The following PIGT variants were observed in gnomAD, a reference collection of about 807,000 sequenced individuals.
PIGT encodes the protein GPI-anchor transamidase component PIGT.
Under a neutral mutation model 66.7 loss-of-function variants are expected in PIGT, and 57 were observed. The ratio of observed to expected loss-of-function variants is 0.86; its 90% confidence interval spans 0.69 to 1.07. PIGT has a LOEUF of 1.07. Among genes scored for constraint, PIGT ranks in the 50% least tolerant of loss-of-function variants. PIGT has a pLI of 0.00. For missense variants in PIGT, 725 were observed against 740.4 expected (o/e 0.98, Z 0.24); for synonymous variants, 362 against 320.5 (o/e 1.13, Z -1.38).
rs1358974279 is a variant in PIGT, at chr20:45,426,089, C to T, written c.*263C>T. 1.8e-5 allele frequency: 10 copies of T among 547,676 alleles called. No individual in the cohort carries two copies. In the African/African-American group the frequency reaches 1.9e-4, roughly 10 times the overall value. The allele number at this position is 547,676 out of a possible 1,614,324, so 33.9% of individuals were successfully genotyped here. ...CTCAATAAGCAAAAGTGGTCGGTGG[C>T]TGCTGTATTGGACAGCACAGAAAAA... is the stretch of plus-strand genomic sequence containing the variant. On this transcript the variant is annotated 3_prime_UTR_variant, in exon 12 of 12. Transcript: ENST00000279036.
intron 2 of PIGT, chr20:45,416,899 A>G: frequency 2.1e-6 from 1 of 485,850 alleles, no homozygotes; most frequent in South Asian, 3.7e-5. Context: ...TAGCACATGC[A>G]TATCCCTGGA....
chr20:45,416,598 C>T lies in PIGT; in HGVS notation c.269C>T (p.Thr90Ile). Residue 90 changes from threonine (T) to isoleucine (I), a missense_variant, in exon 2 of 12, where the codon ACA (threonine) becomes ATA (isoleucine). By Grantham distance (89) the Thr-to-Ile change is moderately conservative (BLOSUM62 -1). This residue lies in a region of PIGT where 559 missense variants were observed against 552.7 expected (regional missense o/e 1.01). Coordinates refer to ENST00000279036, the MANE Select transcript of PIGT (RefSeq NM_015937.6). Reference protein sequence around the residue: ...YSLRELHLSFTQGFWRTRYWG... With the variant: ...YSLRELHLSFIQGFWRTRYWG... The stretch of plus-strand genomic sequence containing the variant: ...CTACGGGAGCTGCACCTGTCATTCA[C>T]ACAAGGCTTTTGGAGGACCCGATAC... 1 of 1,614,220 alleles carries T rather than the reference C, an allele frequency of 6.2e-7. No homozygotes were observed. The highest frequency in any genetic ancestry group is 8.5e-7 in the Non-Finnish European group (1 of 1,180,028).
In PIGT at chr20:45,425,563, C is replaced by T. The variant is rs759172124; in HGVS notation, c.1485-11C>T. The T allele has an allele frequency of 1.9e-6, 3 of 1,612,148 alleles. No individual in the cohort carries two copies. Among genetic ancestry groups the T allele is most frequent in the East Asian group, 4.5e-5 (2 of 44,862 alleles). ...GCCAGTCCTGTCTCACCGCTCTTCC[C>T]CTGACCCCAGGTTCCCAGTCTCTGA... On this transcript the variant is annotated splice_polypyrimidine_tract_variant and intron_variant, in intron 11 of 11. Coordinates refer to ENST00000279036, the MANE Select transcript of PIGT (RefSeq NM_015937.6).
At position 45,425,981 on chromosome 20, in the gene PIGT, C is replaced by T. The variant is rs1403406697; in HGVS notation, c.*155C>T. 3 of 769,280 alleles carry T rather than the reference C, an allele frequency of 3.9e-6. No individual in the cohort carries two copies. The highest frequency in any genetic ancestry group is 6.1e-6 in the Non-Finnish European group (3 of 491,270). The allele number at this position is 769,280 out of a possible 1,614,324, so 47.7% of individuals were successfully genotyped here. On this transcript the variant is annotated 3_prime_UTR_variant, in exon 12 of 12. Transcript: ENST00000279036. ...CAGCTGTGTTGTCCAGTACAGGAGCCACGAGCCAAATGTGGCATTTGAATT... is the reference window on the plus strand; with the variant it reads ...CAGCTGTGTTGTCCAGTACAGGAGCTACGAGCCAAATGTGGCATTTGAATT...
rs369525139 is a variant in PIGT at position 45,419,580 on chromosome 20, C to T, written c.671C>T (p.Pro224Leu). The change falls in exon 5 of 12, where the codon CCT becomes CTT. Residue 224 changes from proline (P) to leucine (L), a missense_variant. This residue lies in a region of PIGT where 559 missense variants were observed against 552.7 expected (regional missense o/e 1.01). Coordinates refer to ENST00000279036, the MANE Select transcript of PIGT (RefSeq NM_015937.6). Reference sequence around the variant, plus strand: ...CACTCCCAGGCAGTGCATATCCGCCCTGTTTGCAGAGTAAGTCATGGGGAG... The same window carrying T: ...CACTCCCAGGCAGTGCATATCCGCCTTGTTTGCAGAGTAAGTCATGGGGAG... The part of the protein sequence containing the change: ...SYHSQAVHIR[P>L]VCRNARCTSI... 5.6e-6 allele frequency: 9 copies of T among 1,612,496 alleles called. No homozygotes were observed. The highest frequency in any genetic ancestry group is 7.6e-6 in the Non-Finnish European group (9 of 1,178,518).
Position 45,420,129 on chromosome 20 carries a change from G to T in PIGT, c.682-7G>T. ...CCCTCACTGCTGCCATCTGGCCCTTGTGATAGAATGCACGCTGTACTAGCA... is the reference window on the plus strand; with the variant it reads ...CCCTCACTGCTGCCATCTGGCCCTTTTGATAGAATGCACGCTGTACTAGCA... On this transcript the variant is annotated splice_region_variant and splice_polypyrimidine_tract_variant and intron_variant, in intron 5 of 11. Transcript: ENST00000279036. The T allele has an allele frequency of 3.7e-6, 6 of 1,607,094 alleles. No homozygotes were observed. Among genetic ancestry groups the T allele is most frequent in the Non-Finnish European group, 5.1e-6 (6 of 1,175,670 alleles).
intron 3 of PIGT, 148 bp from the exon 4 acceptor site, chr20:45,419,147 G>A: frequency 9.3e-7 from 1 of 1,074,198 alleles, no homozygotes; most frequent in Non-Finnish European, 1.4e-6. Context: ...CCCAAGGAGA[G>A]AAGGGAGTCC....
chr20:45,420,167 T>TA lies in PIGT; in HGVS notation c.713_714insA (p.Arg239GlufsTer9). 6.2e-7 allele frequency: 1 copy of TA among 1,612,698 alleles called. No individual in the cohort carries two copies. Among genetic ancestry groups the TA allele is most frequent in the African/African-American group, 1.3e-5 (1 of 75,026 alleles). On this transcript the variant is annotated frameshift_variant, in exon 6 of 12. Coordinates refer to ENST00000279036, the MANE Select transcript of PIGT (RefSeq NM_015937.6). LOFTEE classifies it high-confidence loss of function. ...CGCTGTACTAGCATCTCCTGGGAGC[T>TA]GAGGCAGACCCTGTCAGTTGTATTT...
Position 45,425,810 on chromosome 20 carries a change from G to T in PIGT, c.1721G>T (p.Gly574Val), listed in dbSNP as rs767247379. 2 of 1,613,722 alleles carry T rather than the reference G, an allele frequency of 1.2e-6. No homozygotes were observed. Among genetic ancestry groups the T allele is most frequent in the South Asian group, 2.2e-5 (2 of 91,062 alleles). ...RLANLIRRAR[G>V]VPPL ...GCCAACCTTATCCGGCGCGCCCGAGGTGTCCCCCCACTCTGATTCTTGCCC... is the reference window on the plus strand; with the variant it reads ...GCCAACCTTATCCGGCGCGCCCGAGTTGTCCCCCCACTCTGATTCTTGCCC... Residue 574 changes from glycine (G) to valine (V), a missense_variant, in exon 12 of 12, where the codon GGT becomes GTT. Coordinates refer to ENST00000279036, the MANE Select transcript of PIGT (RefSeq NM_015937.6).
Position 45,416,279 on chromosome 20 carries a change from C to CGG in PIGT, c.126_127dup (p.Asp43GlyfsTer3). 5 of 1,596,424 alleles carry CGG rather than the reference C, an allele frequency of 3.1e-6. No individual in the cohort carries two copies. Among genetic ancestry groups the CGG allele is most frequent in the Non-Finnish European group, 4.3e-6 (5 of 1,171,808 alleles). On this transcript the variant is annotated frameshift_variant, in exon 1 of 12. Coordinates refer to ENST00000279036, the MANE Select transcript of PIGT (RefSeq NM_015937.6). LOFTEE classifies it high-confidence loss of function. ...AACTTGTCATCACCCCGCTGCCTTC[C>CGG]GGGGACGTAGCCGCCACATTCCAGT...
intron 5 of PIGT, 37 bp from the exon 6 acceptor site, chr20:45,420,099 A>G (rs1990257516): frequency 1.4e-6 from 2 of 1,438,236 alleles, no homozygotes; most frequent in Middle Eastern, 2.0e-4. Flanking sequence ...GGTGAGAGTG[A>G]TACCCCCTCA....
intron 2 of PIGT, 163 bp downstream of exon 2, chr20:45,416,857 A>C: frequency 5.0e-6 from 3 of 596,900 alleles, no homozygotes; most frequent in South Asian, 5.7e-5. Context: ...AGATGAATAA[A>C]CTTCCCAATC....
In PIGT at chr20:45,416,883, C is replaced by A; in HGVS notation, c.365+189C>A. 3 of 511,498 alleles carry A rather than the reference C, an allele frequency of 5.9e-6. No homozygotes were observed. The South Asian group carries it at 1.0e-4, about 17-fold the overall frequency. 31.7% of individuals were successfully genotyped at this position (511,498 alleles called of 1,614,324 possible). A position where few individuals can be genotyped will look rare whatever the true frequency, so the allele number is the denominator to read the frequency against. On this transcript the variant is annotated intron_variant, in intron 2 of 11. Coordinates refer to ENST00000279036, the MANE Select transcript of PIGT (RefSeq NM_015937.6). ...CTTCCCAATCCTAAAACTTTCAGAC[C>A]TGAGGTAGCACATGCATATCCCTGG...
chr20:45,417,192 T>C (rs1199392631), intron 2 of PIGT: 1 of 152,468 alleles, frequency 6.6e-6, no homozygotes, highest in East Asian at 1.9e-4. Flanking sequence ...GAATAGAACC[T>C]TTCTGTGCAG....
chr20:45,419,797 A>C (rs554923740), intron 5 of PIGT: 94 of 605,936 alleles, frequency 1.6e-4, no homozygotes, highest in Non-Finnish European at 2.5e-4. Flanking sequence ...AGTGGTTCAG[A>C]ACAATAGCTA....
chr20:45,418,851 G>C lies in PIGT; in HGVS notation c.366-1G>C. On this transcript the variant is annotated splice_acceptor_variant, in intron 2 of 11. Coordinates refer to ENST00000279036, the MANE Select transcript of PIGT (RefSeq NM_015937.6). LOFTEE classifies it high-confidence loss of function. ...GTGAGTGGATTTGTGTCTCTATCCA[G>C]TGTGGATAAATCTTGGAAGGAGCTC... The C allele has an allele frequency of 6.2e-7, 1 of 1,613,986 alleles. No individual in the cohort carries two copies. Among genetic ancestry groups the C allele is most frequent in the African/African-American group, 1.3e-5 (1 of 75,038 alleles).
Position 45,421,439 on chromosome 20 carries a change from C to T in PIGT, c.1090C>T (p.Gln364Ter), listed in dbSNP as rs1023831563. ...GCGGTACGTGAGTGGCTATGGGCTGCAGAAGGGGGAGCTGAGCACACTGCT... is the reference window on the plus strand; with the variant it reads ...GCGGTACGTGAGTGGCTATGGGCTGTAGAAGGGGGAGCTGAGCACACTGCT... ...AQRYVSGYGL[Q>*]KGELSTLLYN... The change falls in exon 9 of 12, where the codon CAG becomes TAG. Residue 364 changes from glutamine to a stop codon, truncating the protein, a stop_gained. Coordinates refer to ENST00000279036, the MANE Select transcript of PIGT (RefSeq NM_015937.6). LOFTEE classifies it high-confidence loss of function. The T allele has an allele frequency of 4.3e-6, 7 of 1,614,190 alleles. No homozygotes were observed. Among genetic ancestry groups the T allele is most frequent in the Non-Finnish European group, 5.9e-6 (7 of 1,180,032 alleles).
In PIGT at chr20:45,425,871, A is replaced by G; in HGVS notation, c.*45A>G. The G allele has an allele frequency of 6.3e-7, 1 of 1,592,580 alleles. No homozygotes were observed. The stretch of plus-strand genomic sequence containing the variant: ...CTGCAGCTGCCGTTTCTCTCTGGGG[A>G]GGGGAGCCCAAGGGCTGTTTCTGCC... On this transcript the variant is annotated 3_prime_UTR_variant, in exon 12 of 12. Coordinates refer to ENST00000279036, the MANE Select transcript of PIGT (RefSeq NM_015937.6).
intron 2 of PIGT, 50 bp from the exon 3 acceptor site, chr20:45,418,802 G>A (rs1990150718): frequency 6.2e-7 from 1 of 1,610,152 alleles, no homozygotes; most frequent in Non-Finnish European, 8.5e-7. Flanking sequence ...CTTTGAAAGA[G>A]GGAGCAGAGG....
Sources: gnomAD v4.1 joint callset for allele counts on GRCh38, gnomAD v4.1.1 for gene constraint, gnomAD v4.1.1 regional missense constraint, MANE v1.5 for transcripts, NCBI Gene and HGNC (gene_info 2026-07-23, HGNC 2026-07-21) for gene names.